Variants in MAP2K6 observed in about 807,000 individuals in gnomAD.
MAP2K6 encodes the protein mitogen-activated protein kinase kinase 6, also known as dual specificity mitogen-activated protein kinase kinase 6.
A neutral mutation model predicts 53.7 loss-of-function variants in MAP2K6; 16 were observed. The observed-to-expected ratio is 0.30, with a 90% CI of 0.20 to 0.45. The LOEUF (loss-of-function observed/expected upper bound fraction) is 0.45, where lower values mean the gene tolerates loss of function less well. MAP2K6 is among the 20% of genes least tolerant of loss of function. MAP2K6 has a pLI of 1.00. For synonymous variants in MAP2K6, 132 were observed against 143.1 expected, an observed-to-expected ratio of 0.92 and a Z score of 0.55; for missense variants, 204 against 411.9, an observed-to-expected ratio of 0.50 and a Z score of 4.37.
rs1405151202 is a variant in MAP2K6, at chr17:69,494,986, C to G, written c.17-10794C>G. ...CGACATTGCACTCCAGCCTGGGCAA[C>G]AAGAGCGAAACTCTGTCTAGAAAAA... is the stretch of plus-strand genomic sequence containing the variant. On this transcript the variant is annotated intron_variant, in intron 1 of 11. Transcript: ENST00000590474. The surrounding 1 kb of genome is among the most constrained non-coding windows in gnomAD (Gnocchi z 4.2). Among the ~76,000 whole-genome samples, 1 of 150,058 alleles carries G rather than the reference C, an allele frequency of 6.7e-6. No individual in the cohort carries two copies. Among genetic ancestry groups the G allele is most frequent in the Non-Finnish European group, 1.5e-5 (1 of 67,710 alleles).
intron 10 of MAP2K6, among the ~76,000 whole-genome samples, chr17:69,529,213 C>T (rs1278429508): frequency 2.0e-5 from 3 of 152,116 alleles, no homozygotes; most frequent in Non-Finnish European, 1.5e-5. Flanking sequence ...TTTAACTGAT[C>T]TGGGGAGGGG....
rs570915280 is a variant in MAP2K6, at chr17:69,544,606, T to G, written c.*2853T>G. 6.6e-6 allele frequency: 1 copy of G among 152,308 alleles called. No individual in the cohort carries two copies. The highest frequency in any genetic ancestry group is 1.9e-4 in the East Asian group (1 of 5,190). 9.4% of individuals were successfully genotyped at this position (152,308 alleles called of 1,614,324 possible). A position where few individuals can be genotyped will look rare whatever the true frequency, so the allele number is the denominator to read the frequency against. On this transcript the variant is annotated 3_prime_UTR_variant, in exon 12 of 12. Transcript: ENST00000590474. The stretch of plus-strand genomic sequence containing the variant: ...AATCAGTATAGCTCTACAAAAGAGA[T>G]CATGCTTATTTCCCCAGATGTATTT...
intron 1 of MAP2K6, among the ~76,000 whole-genome samples, chr17:69,454,911 C>T (rs532173507): frequency 6.6e-6 from 1 of 152,170 alleles, no homozygotes; most frequent in African/African-American, 2.4e-5. Context: ...TCGTTCTTTT[C>T]GTTTTACAAA....
chr17:69,481,946 C>T (rs1026060308), intron 1 of MAP2K6, among the ~76,000 whole-genome samples: 1 of 151,998 alleles, frequency 6.6e-6, no homozygotes, highest in Admixed American at 6.6e-5. Flanking sequence ...TATGGTAATC[C>T]TATTTTTAAT....
chr17:69,486,270 G>A (rs1908532562), intron 1 of MAP2K6, among the ~76,000 whole-genome samples: 1 of 152,140 alleles, frequency 6.6e-6, no homozygotes, highest in Non-Finnish European at 1.5e-5. Context: ...CACTTTGTTT[G>A]TTTATATTTT....
At chr17:69,527,211 G>A (rs1363732611) in intron 10 of MAP2K6, among the ~76,000 whole-genome samples, 1 of 152,214 alleles carries the variant, frequency 6.6e-6, no homozygotes, top group African/African-American at 2.4e-5. Context: ...GAGGCCTGGG[G>A]ATAGGAAGTA....
Position 69,415,010 on chromosome 17 carries a change from T to G in MAP2K6, c.16+10T>G. On this transcript the variant is annotated intron_variant, in intron 1 of 11. Transcript: ENST00000590474. ...ATGTCTCAGTCGAAAGGTAAGAGGC[T>G]GTTTGCATTAGTTGCAAAAATGCAA... 6.5e-7 allele frequency: 1 copy of G among 1,547,866 alleles called. No homozygotes were observed.
chr17:69,448,808 C>G (rs899535155), intron 1 of MAP2K6, among the ~76,000 whole-genome samples: 1 of 152,188 alleles, frequency 6.6e-6, no homozygotes, highest in African/African-American at 2.4e-5. Flanking sequence ...GTGGAGTTGC[C>G]TTTCCTTTTT....
intron 1 of MAP2K6, among the ~76,000 whole-genome samples, chr17:69,463,742 T>G (rs1001350963): frequency 2.0e-5 from 3 of 151,802 alleles, no homozygotes; most frequent in Non-Finnish European, 4.4e-5. Context: ...TTAGAAAGAA[T>G]TTTATTTTGA....
intron 1 of MAP2K6, among the ~76,000 whole-genome samples, chr17:69,422,763 T>A (rs1906131947): frequency 6.6e-6 from 1 of 152,250 alleles, no homozygotes; most frequent in Admixed American, 6.5e-5. Context: ...TGTTAACCAA[T>A]TTGCCCATGG....
At chr17:69,531,503 T>C (rs932559012) in intron 10 of MAP2K6, among the ~76,000 whole-genome samples, 1 of 152,172 alleles carries the variant, frequency 6.6e-6, no homozygotes, top group African/African-American at 2.4e-5. Context: ...TGCTTGTTAG[T>C]TGACAGTAAA....
chr17:69,451,224 T>A (rs540206779), intron 1 of MAP2K6, among the ~76,000 whole-genome samples: 1 of 152,276 alleles, frequency 6.6e-6, no homozygotes, highest in East Asian at 1.9e-4. Flanking sequence ...AACTGGGTAT[T>A]AAATAGCCAG....
intron 1 of MAP2K6, among the ~76,000 whole-genome samples, chr17:69,461,167 A>G (rs144514611): frequency 6.6e-6 from 1 of 152,306 alleles, no homozygotes; most frequent in African/African-American, 2.4e-5. Context: ...TGCCTTCTGG[A>G]GTAACTCACA....
At chr17:69,433,175 T>C (rs1303140310) in intron 1 of MAP2K6, 1 of 152,262 alleles carries the variant, frequency 6.6e-6, no homozygotes, top group African/African-American at 2.4e-5. Context: ...CATGGAATAT[T>C]ACACATAGCA....
intron 2 of MAP2K6, among the ~76,000 whole-genome samples, chr17:69,515,983 C>T (rs1910119361): frequency 6.6e-6 from 1 of 152,188 alleles, no homozygotes; most frequent in Non-Finnish European, 1.5e-5. Context: ...TTGAGACTTA[C>T]TGCTGTAGCA....
rs1912066893 is a variant in MAP2K6, at chr17:69,550,820, CTT to C, written c.*9068_*9069del. On this transcript the variant is annotated 3_prime_UTR_variant, in exon 12 of 12. Coordinates refer to ENST00000590474, the MANE Select transcript of MAP2K6 (RefSeq NM_002758.4). ...TGGAAGTCTCTGTGGCCATTAAAAA[CTT>C]GGGAACGTTGGATTAAATGACCACT... 1 of 152,150 alleles carries C rather than the reference CTT, an allele frequency of 6.6e-6. No individual in the cohort carries two copies. The highest frequency in any genetic ancestry group is 2.4e-5 in the African/African-American group (1 of 41,436). The allele number at this position is 152,150 out of a possible 1,614,324, so 9.4% of individuals were successfully genotyped here. A position where few individuals can be genotyped will look rare whatever the true frequency, so the allele number is the denominator to read the frequency against.
chr17:69,416,058 A>T (rs1022980011), intron 1 of MAP2K6, among the ~76,000 whole-genome samples: 3 of 152,162 alleles, frequency 2.0e-5, no homozygotes, highest in Admixed American at 2.0e-4. Context: ...TTTACCATAG[A>T]GAAAGCATAT....
At chr17:69,533,198 C>A (rs1179278587) in intron 10 of MAP2K6, among the ~76,000 whole-genome samples, 1 of 152,112 alleles carries the variant, frequency 6.6e-6, no homozygotes, top group East Asian at 1.9e-4. Context: ...CTCACCCTCA[C>A]AAAGTGTTGG....
intron 11 of MAP2K6, among the ~76,000 whole-genome samples, chr17:69,539,230 C>T (rs757862344): frequency 1.3e-5 from 2 of 152,192 alleles, no homozygotes; most frequent in Non-Finnish European, 2.9e-5. Context: ...GTGACTGTAG[C>T]TTGTCTGTCT....
Sources: allele counts gnomAD v4.1 joint callset (sites outside exome capture counted in the v4.1 genomes callset), GRCh38; gene constraint gnomAD v4.1.1; non-coding constraint Gnocchi (gnomAD v3.1); transcripts MANE v1.5; gene names NCBI Gene and HGNC (gene_info 2026-07-23, HGNC 2026-07-21).